ZW10: variants seen among roughly 807,000 people sequenced by gnomAD.
ZW10 encodes centromere/kinetochore protein zw10 homolog.
In ZW10, 53 loss-of-function variants were observed where a neutral mutation model predicts 87.8. The observed-to-expected ratio is 0.60, with a 90% confidence interval of 0.48 to 0.76. ZW10 has a LOEUF of 0.76. Ranked by LOEUF, ZW10 falls within the 30% of genes least tolerant of loss-of-function variation. The pLI is 0.00. For synonymous variants in ZW10, 312 were observed against 329.2 expected, an observed-to-expected ratio of 0.95 and a Z score of 0.57; for missense variants, 837 against 923.0, an observed-to-expected ratio of 0.91 and a Z score of 1.21.
chr11:113,773,248 C>G (rs1167885551), intron 1 of ZW10, among the ~76,000 whole-genome samples: 1 of 151,866 alleles, frequency 6.6e-6, no homozygotes, highest in Non-Finnish European at 1.5e-5. Context: ...CCTCTTCCCG[C>G]GGCACACCCC....
At chr11:113,763,092 C>T (rs1292843812) in intron 2 of ZW10, among the ~76,000 whole-genome samples, 1 of 152,120 alleles carries the variant, frequency 6.6e-6, no homozygotes, top group Non-Finnish European at 1.5e-5. Flanking sequence ...GTTCAACTCC[C>T]ACTTATGACT....
At chr11:113,758,402 G>A (rs959892162) in intron 6 of ZW10, 152 bp downstream of exon 6, 1 of 573,818 alleles carries the variant, frequency 1.7e-6, no homozygotes, top group African/African-American at 2.0e-5. Context: ...TTAATAAAAG[G>A]GATAATATTT....
intron 2 of ZW10, among the ~76,000 whole-genome samples, chr11:113,766,098 C>T (rs1209033832): frequency 6.6e-6 from 1 of 152,168 alleles, no homozygotes; most frequent in African/African-American, 2.4e-5. Flanking sequence ...TTTCCAGGCA[C>T]GGTGACTCAA....
At chr11:113,767,015 C>CA (rs1158808528) in intron 2 of ZW10, among the ~76,000 whole-genome samples, 1 of 151,742 alleles carries the variant, frequency 6.6e-6, no homozygotes, top group Admixed American at 6.6e-5. Flanking sequence ...GAATCTGTCT[C>CA]AAAAAAAATT....
intron 7 of ZW10, among the ~76,000 whole-genome samples, chr11:113,754,015 T>A (rs949298124): frequency 4.6e-5 from 7 of 152,216 alleles, no homozygotes; most frequent in African/African-American, 1.7e-4. Context: ...AAACAATAGA[T>A]TTTTAGTGTA....
chr11:113,762,172 A>G (rs895197035), intron 2 of ZW10, among the ~76,000 whole-genome samples: 1 of 152,232 alleles, frequency 6.6e-6, no homozygotes, highest in African/African-American at 2.4e-5. Context: ...AGGCTATATA[A>G]AACTATTGCT....
At chr11:113,740,731 C>G (rs1007434021) in intron 11 of ZW10, among the ~76,000 whole-genome samples, 1 of 152,190 alleles carries the variant, frequency 6.6e-6, no homozygotes, top group African/African-American at 2.4e-5. Flanking sequence ...TGGAAATTTG[C>G]TAAAAATCCA....
chr11:113,748,232 C>T (rs1953700715), intron 8 of ZW10, 25 bp downstream of exon 8: 1 of 1,584,380 alleles, frequency 6.3e-7, no homozygotes, highest in Non-Finnish European at 8.6e-7. Flanking sequence ...GTCTTAAAAC[C>T]TTCTGTGCTG....
intron 1 of ZW10, chr11:113,770,692 C>T (rs1209335926): frequency 6.6e-6 from 1 of 151,082 alleles, no homozygotes; most frequent in African/African-American, 2.4e-5. Context: ...GTGGTGGGCG[C>T]CTGTAGTCCC....
chr11:113,757,353 C>T (rs577930056), intron 7 of ZW10, among the ~76,000 whole-genome samples: 78 of 152,298 alleles, frequency 5.1e-4, no homozygotes, highest in African/African-American at 1.9e-3. Context: ...AATTAAAGCA[C>T]GAGTTCCAAT....
chr11:113,771,957 G>A (rs1340499687), intron 1 of ZW10, among the ~76,000 whole-genome samples: 2 of 152,124 alleles, frequency 1.3e-5, no homozygotes, highest in East Asian at 1.9e-4. Context: ...CAAGAATACA[G>A]GACTGAAATG....
chr11:113,762,634 C>G (rs1953874025), intron 2 of ZW10, among the ~76,000 whole-genome samples: 3 of 151,968 alleles, frequency 2.0e-5, no homozygotes, highest in Non-Finnish European at 4.4e-5. Flanking sequence ...TCTCCTGCCT[C>G]AGCCACCCAG....
chr11:113,746,875 G>A (rs1953683780), intron 9 of ZW10, among the ~76,000 whole-genome samples: 1 of 152,104 alleles, frequency 6.6e-6, no homozygotes, highest in Non-Finnish European at 1.5e-5. Context: ...ATCAGATAAG[G>A]CCTTGCAGTC....
At chr11:113,748,463 G>T in intron 7 of ZW10, 43 bp from the exon 8 acceptor site, 3 of 1,513,506 alleles carry the variant, frequency 2.0e-6, no homozygotes, top group Non-Finnish European at 2.7e-6. Flanking sequence ...GAAACCATTC[G>T]CAGTCCTGGA....
intron 9 of ZW10, among the ~76,000 whole-genome samples, chr11:113,747,014 T>C (rs903643067): frequency 6.6e-6 from 1 of 152,166 alleles, no homozygotes; most frequent in African/African-American, 2.4e-5. Context: ...TATACATTAT[T>C]TCATACATGT....
chr11:113,736,732 C>T lies in ZW10; in HGVS notation c.2107G>A (p.Glu703Lys), dbSNP rs149093207. 6.2e-7 allele frequency: 1 copy of T among 1,614,156 alleles called. No homozygotes were observed. Among genetic ancestry groups the T allele is most frequent in the Non-Finnish European group, 8.5e-7 (1 of 1,180,024 alleles). Residue 703 changes from glutamate to lysine, a missense_variant, in exon 15 of 16, where the codon GAA becomes AAA. Transcript: ENST00000200135. ...GPQVFAPLSEESKNKKYQEEV... is the reference protein window; with the variant it reads ...GPQVFAPLSEKSKNKKYQEEV... ...TCTTGATATTTCTTGTTCTTGCTTTCTTCAGATAAAGGTGCAAATACTTGG... is the reference window on the plus strand; with the variant it reads ...TCTTGATATTTCTTGTTCTTGCTTTTTTCAGATAAAGGTGCAAATACTTGG...
intron 7 of ZW10, among the ~76,000 whole-genome samples, chr11:113,754,124 C>T (rs771399508): frequency 2.0e-5 from 3 of 152,102 alleles, no homozygotes; most frequent in Non-Finnish European, 2.9e-5. Flanking sequence ...ATAGGCTGAC[C>T]CTCTTGTTAG....
At chr11:113,768,798 C>T (rs1275292788) in intron 2 of ZW10, 35 bp downstream of exon 2, 1 of 1,609,096 alleles carries the variant, frequency 6.2e-7, no homozygotes, top group East Asian at 2.2e-5. Flanking sequence ...AACCACCTCC[C>T]TACAAACCTA....
At chr11:113,761,429 A>G (rs2134891826) in intron 2 of ZW10, among the ~76,000 whole-genome samples, 1 of 152,202 alleles carries the variant, frequency 6.6e-6, no homozygotes, top group East Asian at 1.9e-4. Context: ...ACAGGCACGC[A>G]CCACCACACC....
Sources: allele counts gnomAD v4.1 joint callset (sites outside exome capture counted in the v4.1 genomes callset), GRCh38; gene constraint gnomAD v4.1.1; transcripts MANE v1.5; gene names NCBI Gene and HGNC (gene_info 2026-07-23, HGNC 2026-07-21).